Variants in HGS observed in about 807,000 individuals in gnomAD.
HGS encodes the protein hepatocyte growth factor-regulated tyrosine kinase substrate, also known as human growth factor-regulated tyrosine kinase substrate.
In HGS, 63 loss-of-function variants were observed where a neutral mutation model predicts 109.7. The ratio of observed to expected loss-of-function variants is 0.57; its 90% CI spans 0.47 to 0.71. HGS has a LOEUF of 0.71. Among genes scored for constraint, HGS ranks in the 30% least tolerant of loss-of-function variants. HGS has a pLI of 0.00. For synonymous variants in HGS, 546 were observed against 437.3 expected (o/e 1.25, Z -3.10); for missense variants, 995 against 1,068.3 (o/e 0.93, Z 0.96).
chr17:81,684,269 G>A (rs1429500304), intron 1 of HGS, 166 bp downstream of exon 1: 3 of 553,648 alleles, frequency 5.4e-6, no homozygotes, highest in South Asian at 1.4e-4. Flanking sequence ...CTGGACCCTC[G>A]GCGCGGCCGT....
rs142478779 is a variant in HGS at position 81,700,633 on chromosome 17, GCCAGCCCCAGCC to G, written c.2017-41_2017-30del. 347 of 1,577,782 alleles carry G rather than the reference GCCAGCCCCAGCC, an allele frequency of 2.2e-4. 1 individual carries two copies. The highest frequency in any genetic ancestry group is 1.1e-3 in the South Asian group (96 of 87,434). ...GGAAGGCCGCTCCTCTCCTTCCAGG[GCCAGCCCCAGCC>G]CCAGCCCCAGCCCCAGCCCCTTCTC... is the stretch of plus-strand genomic sequence containing the variant. On this transcript the variant is annotated intron_variant, in intron 19 of 21. Transcript: ENST00000329138.
At chr17:81,688,865 G>C in intron 5 of HGS, 38 bp downstream of exon 5, 1 of 1,613,204 alleles carries the variant, frequency 6.2e-7, no homozygotes, top group Non-Finnish European at 8.5e-7. Flanking sequence ...GTTGAGGCTT[G>C]GAACTGCTGG....
rs2037021252 is a variant in HGS at position 81,688,762 on chromosome 17, A to G, written c.350A>G (p.His117Arg). The G allele has an allele frequency of 1.9e-6, 3 of 1,614,020 alleles. No individual in the cohort carries two copies. The highest frequency in any genetic ancestry group is 1.7e-6 in the Non-Finnish European group (2 of 1,180,010). Residue 117 changes from histidine to arginine, a missense_variant, in exon 5 of 22, where the codon CAT (histidine) becomes CGT (arginine). This residue lies in a region of HGS where 182 missense variants were observed against 261.3 expected (regional missense o/e 0.70). Coordinates refer to ENST00000329138, the MANE Select transcript of HGS (RefSeq NM_004712.5). ...CTGTACCTGATCCAGGCCTGGGCGC[A>G]TGCCTTCCGGAACGAGCCCAAGTAC... ...KILYLIQAWAHAFRNEPKYKV... is the reference protein window; with the variant it reads ...KILYLIQAWARAFRNEPKYKV...
At chr17:81,685,218 C>G (rs575268640) in intron 1 of HGS, 1 of 268,174 alleles carries the variant, frequency 3.7e-6, no homozygotes, top group Admixed American at 6.5e-5. Flanking sequence ...TCTGGGCGAA[C>G]GGGGACTCCA....
At chr17:81,694,024 C>A in intron 11 of HGS, 59 bp downstream of exon 11, 1 of 1,440,322 alleles carries the variant, frequency 6.9e-7, no homozygotes, top group Non-Finnish European at 9.4e-7. Context: ...TGATGGGGGA[C>A]GCGGGTCCCT....
intron 11 of HGS, 53 bp from the exon 12 acceptor site, chr17:81,694,762 C>G (rs545767125): frequency 2.1e-5 from 34 of 1,611,646 alleles, no homozygotes; most frequent in Non-Finnish European, 2.2e-5. Flanking sequence ...CCTGTCCCTG[C>G]CGAAGCAACT....
chr17:81,690,392 GTC>G, intron 6 of HGS, 158 bp downstream of exon 6: 1 of 788,696 alleles, frequency 1.3e-6, no homozygotes, highest in South Asian at 1.7e-5. Flanking sequence ...CGTAGCAGCT[GTC>G]TCTGCAGGGC....
chr17:81,700,587 C>A lies in HGS; in HGVS notation c.2003C>A (p.Thr668Lys). 1 of 1,606,440 alleles carries A rather than the reference C, an allele frequency of 6.2e-7. No homozygotes were observed. Among genetic ancestry groups the A allele is most frequent in the Non-Finnish European group, 8.5e-7 (1 of 1,175,848 alleles). Residue 668 changes from threonine (T) to lysine (K), a missense_variant, in exon 19 of 22, where the codon ACA becomes AAA. Coordinates refer to ENST00000329138, the MANE Select transcript of HGS (RefSeq NM_004712.5). ...TACTCATCCTACCAGCCTACTCCCA[C>A]AGCGGGCTACCAGGTACACAGGAAG... ...PAYSSYQPTP[T>K]AGYQNVASQA...
chr17:81,684,170 C>T, intron 1 of HGS, 67 bp downstream of exon 1: 5 of 1,358,852 alleles, frequency 3.7e-6, no homozygotes, highest in East Asian at 3.0e-5. Context: ...GCTGAGTCAG[C>T]GCGGCCCCGA....
At chr17:81,686,780 G>A (rs2036986342) in intron 3 of HGS, among the ~76,000 whole-genome samples, 1 of 151,768 alleles carries the variant, frequency 6.6e-6, no homozygotes, top group Non-Finnish European at 1.5e-5. Flanking sequence ...GTTCCCCACC[G>A]GCCACTGACG....
rs1755699061 is a variant in HGS at position 81,700,716 on chromosome 17, C to G, written c.2038C>G (p.Gln680Glu). The change falls in exon 20 of 22, where the codon CAG (glutamine) becomes GAG (glutamate). Residue 680 changes from glutamine (Q) to glutamate (E), a missense_variant. Physicochemically the swap from Gln to Glu is conservative, Grantham distance 29. Transcript: ENST00000329138. ...GCAGAACGTGGCCTCCCAGGCCCCA[C>G]AGAGCCTCCCGGCCATCTCTCAGCC... ...GYQNVASQAPQSLPAISQPPQ... is the reference protein window; with the variant it reads ...GYQNVASQAPESLPAISQPPQ... 1 of 1,611,932 alleles carries G rather than the reference C, an allele frequency of 6.2e-7. No individual in the cohort carries two copies. The highest frequency in any genetic ancestry group is 8.5e-7 in the Non-Finnish European group (1 of 1,179,602).
At position 81,691,573 on chromosome 17, in the gene HGS, T is replaced by C. The variant is rs773536873; in HGVS notation, c.662+2T>C. On this transcript the variant is annotated splice_donor_variant, in intron 8 of 21. Transcript: ENST00000329138. LOFTEE classifies it high-confidence loss of function. The surrounding 1 kb of genome is among the most constrained non-coding windows in gnomAD (Gnocchi z 5.3). ...GCCCTGCTACGAGCAGCTGAACAGG[T>C]GAGTCCCCGCCCCCCATTTGGGCTG... 2 of 1,613,914 alleles carry C rather than the reference T, an allele frequency of 1.2e-6. No homozygotes were observed. Among genetic ancestry groups the C allele is most frequent in the Admixed American group, 1.7e-5 (1 of 60,012 alleles).
At chr17:81,701,453 C>T (rs2037235830) in intron 21 of HGS, 55 bp from the exon 22 acceptor site, 2 of 1,500,318 alleles carry the variant, frequency 1.3e-6, no homozygotes, top group Non-Finnish European at 1.8e-6. Flanking sequence ...AAAAGCCTTC[C>T]TCCCTGGGCT....
chr17:81,686,427 T>TA (rs749291706), intron 3 of HGS, 40 bp downstream of exon 3: 42 of 1,428,134 alleles, frequency 2.9e-5, no homozygotes, highest in Admixed American at 1.7e-5. Context: ...CCAGGGTCCC[T>TA]ACCCCCTACT....
rs1281649940 is a variant in HGS at position 81,695,235 on chromosome 17, C to T, written c.1179+12C>T. On this transcript the variant is annotated intron_variant, in intron 14 of 21. Coordinates refer to ENST00000329138, the MANE Select transcript of HGS (RefSeq NM_004712.5). ...GCCCCTTTAGTGAGGTAAGCTGTGG[C>T]TCCCTCCACGGGCCAGGGCAAAACA... 1.9e-6 allele frequency: 3 copies of T among 1,613,408 alleles called. No homozygotes were observed. The highest frequency in any genetic ancestry group is 1.7e-6 in the Non-Finnish European group (2 of 1,179,428).
Position 81,696,019 on chromosome 17 carries a change from G to C in HGS, c.1393+20G>C. 6.5e-7 allele frequency: 1 copy of C among 1,531,090 alleles called. No individual in the cohort carries two copies. The highest frequency in any genetic ancestry group is 1.3e-5 in the South Asian group (1 of 79,614). 94.8% of individuals were successfully genotyped at this position (1,531,090 alleles called of 1,614,324 possible). ...GCAGGCGTAGGTGCCCGCGCCACGG[G>C]GCCTCGGCTCAGGGGCAGCCAGGTG... On this transcript the variant is annotated intron_variant, in intron 15 of 21. Coordinates refer to ENST00000329138, the MANE Select transcript of HGS (RefSeq NM_004712.5).
In HGS at chr17:81,701,326, T is replaced by C; in HGVS notation, c.2224-182T>C. 4.9e-6 allele frequency: 4 copies of C among 823,016 alleles called. No homozygotes were observed. The South Asian group carries it at 6.8e-5, about 14-fold the overall frequency. 51.0% of individuals were successfully genotyped at this position (823,016 alleles called of 1,614,324 possible). ...GGGCAGATACGCGCATCCGCAAGTGTAGACAGGAAAAACCGTGAATTTACT... is the reference window on the plus strand; with the variant it reads ...GGGCAGATACGCGCATCCGCAAGTGCAGACAGGAAAAACCGTGAATTTACT... On this transcript the variant is annotated intron_variant, in intron 21 of 21. Coordinates refer to ENST00000329138, the MANE Select transcript of HGS (RefSeq NM_004712.5).
At chr17:81,685,925 G>A (rs1030156540) in intron 2 of HGS, among the ~76,000 whole-genome samples, 1 of 151,988 alleles carries the variant, frequency 6.6e-6, no homozygotes, top group Non-Finnish European at 1.5e-5. Context: ...CAAAGACTAA[G>A]ATGGCAGACA....
rs199674528 is a variant in HGS, at chr17:81,688,802, C to T, written c.390C>T (p.Asp130=). 5 of 1,614,154 alleles carry T rather than the reference C, an allele frequency of 3.1e-6. No individual in the cohort carries two copies. Among genetic ancestry groups the T allele is most frequent in the East Asian group, 4.5e-5 (2 of 44,882 alleles). Residue 130 remains aspartate, a synonymous_variant, in exon 5 of 22, where the codon GAC becomes GAT. Coordinates refer to ENST00000329138, the MANE Select transcript of HGS (RefSeq NM_004712.5). The stretch of plus-strand genomic sequence containing the variant: ...AGCCCAAGTACAAGGTGGTCCAGGA[C>T]ACCTACCAGATCATGAAGGTGGAGG... ...RNEPKYKVVQ[D]TYQIMKVEGH...
Sources: gnomAD v4.1 joint callset for allele counts (sites outside exome capture counted in the v4.1 genomes callset) on GRCh38, gnomAD v4.1.1 for gene constraint, gnomAD v4.1.1 regional missense constraint, Gnocchi (gnomAD v3.1) non-coding constraint, MANE v1.5 for transcripts, NCBI Gene and HGNC (gene_info 2026-07-23, HGNC 2026-07-21) for gene names.